ADGRB3: variants seen among roughly 807,000 people sequenced by gnomAD.
The protein encoded by ADGRB3 is brain-specific angiogenesis inhibitor 3.
A neutral mutation model predicts 193.4 loss-of-function variants in ADGRB3; 37 were observed. The ratio of observed to expected loss-of-function variants is 0.19; its 90% confidence interval spans 0.15 to 0.25. The LOEUF (loss-of-function observed/expected upper bound fraction) is 0.25, where lower values mean the gene tolerates loss of function less well. ADGRB3 is among the 10% of genes least tolerant of loss of function. The pLI is 1.00. For synonymous variants in ADGRB3, 690 were observed against 644.2 expected (o/e 1.07, Z -1.08); for missense variants, 1,637 against 1,852.9 (o/e 0.88, Z 2.14).
At chr6:68,836,635 G>A (rs887250862) in intron 3 of ADGRB3, among the ~76,000 whole-genome samples, 11 of 152,092 alleles carry the variant, frequency 7.2e-5, no homozygotes, top group South Asian at 2.1e-4. Flanking sequence ...GCATTGCCCT[G>A]TTCATTGTAG....
intron 30 of ADGRB3, among the ~76,000 whole-genome samples, chr6:69,377,437 CA>C (rs1312666379): frequency 6.6e-6 from 1 of 151,864 alleles, no homozygotes; most frequent in African/African-American, 2.4e-5. Flanking sequence ...CAAAGCAAGC[CA>C]AAAAACTTAA....
At chr6:68,722,351 A>C (rs1158632551) in intron 3 of ADGRB3, among the ~76,000 whole-genome samples, 2 of 151,696 alleles carry the variant, frequency 1.3e-5, no homozygotes, top group Non-Finnish European at 2.9e-5. Flanking sequence ...TAGGGGAGAG[A>C]TAGCATTAGG....
At chr6:69,186,522 T>G (rs1765072967) in intron 17 of ADGRB3, among the ~76,000 whole-genome samples, 1 of 151,522 alleles carries the variant, frequency 6.6e-6, no homozygotes, top group African/African-American at 2.4e-5. Flanking sequence ...GTCTTCTGAT[T>G]ATTAACCCCC....
intron 11 of ADGRB3, among the ~76,000 whole-genome samples, chr6:69,000,832 A>T (rs147019153): frequency 6.6e-6 from 1 of 152,338 alleles, no homozygotes; most frequent in East Asian, 1.9e-4. Context: ...GTCGATTCAG[A>T]AATATAAAAT....
chr6:69,093,815 C>T (rs532302147), intron 17 of ADGRB3, among the ~76,000 whole-genome samples: 27 of 152,112 alleles, frequency 1.8e-4, no homozygotes, highest in African/African-American at 6.3e-4. Context: ...TGAGCTGCCC[C>T]AAGATGCAAA....
chr6:69,379,690 C>A (rs1769904273), intron 30 of ADGRB3, among the ~76,000 whole-genome samples: 1 of 151,998 alleles, frequency 6.6e-6, no homozygotes, highest in Non-Finnish European at 1.5e-5. Flanking sequence ...AAACTGAGTT[C>A]ATGTCAGAGA....
intron 3 of ADGRB3, among the ~76,000 whole-genome samples, chr6:68,811,178 C>A (rs961760398): frequency 6.6e-6 from 1 of 151,992 alleles, no homozygotes; most frequent in Non-Finnish European, 1.5e-5. Context: ...CTATACACTA[C>A]CTTGATATTG....
intron 20 of ADGRB3, among the ~76,000 whole-genome samples, chr6:69,308,603 C>A (rs1768114468): frequency 1.3e-5 from 2 of 151,600 alleles, no homozygotes; most frequent in Admixed American, 1.3e-4. Context: ...TTAATTTTGA[C>A]TGTTAGTTGT....
rs62416445 is a variant in ADGRB3 at position 68,923,641 on chromosome 6, T to C, written c.758-6918T>C. Among the ~76,000 whole-genome samples, 488 of 152,220 alleles carry C rather than the reference T, an allele frequency of 3.2e-3. 1 individual carries two copies. Among genetic ancestry groups the C allele is most frequent in the Non-Finnish European group, 5.9e-3 (400 of 67,948 alleles). ...ACAGTGATATTGCTTTAAGTTAAAT[T>C]ATTCTACACTGCACTGTTATAATAA... On this transcript the variant is annotated intron_variant, in intron 3 of 31. Coordinates refer to ENST00000370598, the MANE Select transcript of ADGRB3 (RefSeq NM_001704.3).
chr6:68,698,889 T>A (rs17197014), intron 3 of ADGRB3, among the ~76,000 whole-genome samples: 3,386 of 152,168 alleles, frequency 0.022, 64 homozygotes, highest in South Asian at 0.075. Context: ...TGATTGAAAA[T>A]CTCTAATAGG....
chr6:68,705,056 A>G (rs1207642106), intron 3 of ADGRB3, among the ~76,000 whole-genome samples: 1 of 152,198 alleles, frequency 6.6e-6, no homozygotes. Flanking sequence ...AACAAATCAC[A>G]GATTTTTGTT....
At chr6:68,685,169 ATAAGT>A (rs1317972469) in intron 3 of ADGRB3, among the ~76,000 whole-genome samples, 2 of 152,164 alleles carry the variant, frequency 1.3e-5, no homozygotes, top group Non-Finnish European at 2.9e-5. Context: ...TTACTCCTAA[ATAAGT>A]TAAGGAATAC....
chr6:69,121,490 A>T (rs1235715250), intron 17 of ADGRB3, among the ~76,000 whole-genome samples: 3 of 150,834 alleles, frequency 2.0e-5, no homozygotes, highest in Admixed American at 1.3e-4. Flanking sequence ...TGCCATCGTC[A>T]TCATGGCCCG....
At chr6:69,093,499 A>G (rs961571662) in intron 17 of ADGRB3, among the ~76,000 whole-genome samples, 6 of 149,100 alleles carry the variant, frequency 4.0e-5, no homozygotes, top group African/African-American at 7.5e-5. Flanking sequence ...TTGTTCATAG[A>G]TAGAGTGGTT....
intron 15 of ADGRB3, among the ~76,000 whole-genome samples, chr6:69,062,452 ACT>A (rs893532295): frequency 1.1e-4 from 16 of 151,726 alleles, no homozygotes; most frequent in African/African-American, 3.6e-4. Context: ...TTCTATTTAA[ACT>A]CTGTTTGCTC....
intron 17 of ADGRB3, among the ~76,000 whole-genome samples, chr6:69,112,988 C>T (rs1055547116): frequency 1.3e-5 from 2 of 152,150 alleles, no homozygotes; most frequent in Admixed American, 6.5e-5. Flanking sequence ...GAACTCCTGA[C>T]ATCAGGTGGT....
intron 17 of ADGRB3, among the ~76,000 whole-genome samples, chr6:69,171,785 A>G (rs1406945836): frequency 2.0e-5 from 3 of 152,226 alleles, no homozygotes; most frequent in Non-Finnish European, 4.4e-5. Context: ...TTACTCCAAT[A>G]AACTACAGAA....
intron 3 of ADGRB3, among the ~76,000 whole-genome samples, chr6:68,835,757 T>G (rs1173479017): frequency 2.0e-5 from 3 of 152,200 alleles, no homozygotes; most frequent in Non-Finnish European, 2.9e-5. Flanking sequence ...TATGGATTCT[T>G]CAACTGGTTT....
chr6:68,695,675 T>C (rs2127305297), intron 3 of ADGRB3, among the ~76,000 whole-genome samples: 1 of 152,084 alleles, frequency 6.6e-6, no homozygotes, highest in East Asian at 1.9e-4. Context: ...TTAACTACTG[T>C]TAAGAGTCCA....
Sources: allele counts gnomAD v4.1 joint callset (sites outside exome capture counted in the v4.1 genomes callset), GRCh38; gene constraint gnomAD v4.1.1; transcripts MANE v1.5; gene names NCBI Gene and HGNC (gene_info 2026-07-23, HGNC 2026-07-21).